The following IGSF5 variants were observed in gnomAD, a reference collection of about 807,000 sequenced individuals.
IGSF5 encodes immunoglobulin superfamily member 5, also known as immunoglobulin superfamily 5 like.
A neutral mutation model predicts 39.4 loss-of-function variants in IGSF5; 41 were observed. The ratio of observed to expected loss-of-function variants is 1.04; its 90% CI spans 0.81 to 1.35. The LOEUF (loss-of-function observed/expected upper bound fraction) is 1.35. Ranked by LOEUF, IGSF5 falls within the 40% of genes most tolerant of loss-of-function variation. The probability of loss-of-function intolerance (pLI) is 0.00; values close to 1 mark genes in which losing one functional copy is unlikely to be tolerated. For missense variants in IGSF5, 487 were observed against 494.6 expected, an observed-to-expected ratio of 0.98 and a Z score of 0.15; for synonymous variants, 183 against 175.3, an observed-to-expected ratio of 1.04 and a Z score of -0.34.
At chr21:39,758,067 A>T (rs544168435) in intron 2 of IGSF5, among the ~76,000 whole-genome samples, 3 of 152,124 alleles carry the variant, frequency 2.0e-5, no homozygotes. Context: ...GCCAGGAAGA[A>T]CATATGGAGG....
upstream of IGSF5, among the ~76,000 whole-genome samples, chr21:39,742,915 T>A (rs946930219): frequency 3.9e-5 from 6 of 152,328 alleles, no homozygotes; most frequent in East Asian, 1.2e-3. Context: ...TTTTTCCTAA[T>A]GTCTGCAGCT....
intron 8 of IGSF5, among the ~76,000 whole-genome samples, chr21:39,796,730 C>T (rs544547898): frequency 6.6e-6 from 1 of 152,324 alleles, no homozygotes; most frequent in South Asian, 2.1e-4. Context: ...TTTGCAGAAA[C>T]CCCGCATGAA....
At chr21:39,769,409 G>A (rs1045216759) in intron 3 of IGSF5, among the ~76,000 whole-genome samples, 12 of 146,404 alleles carry the variant, frequency 8.2e-5, no homozygotes, top group Admixed American at 7.9e-4. Context: ...GGAGGTTGCC[G>A]TGAGCCAACA....
chr21:39,789,106 C>G (rs940304336), intron 6 of IGSF5, among the ~76,000 whole-genome samples: 2 of 152,048 alleles, frequency 1.3e-5, no homozygotes, highest in Non-Finnish European at 2.9e-5. Flanking sequence ...AAAAATAGAC[C>G]CTGATAATTA....
At chr21:39,742,326 C>T (rs1281798660), upstream of IGSF5, among the ~76,000 whole-genome samples, 3 of 152,212 alleles carry the variant, frequency 2.0e-5, no homozygotes, top group Non-Finnish European at 2.9e-5. Context: ...GAAGAAGTAT[C>T]TAGTGACTGG....
At chr21:39,735,063 T>A in the IGSF5 span, among the ~76,000 whole-genome samples, 88 of 152,068 alleles carry the variant, frequency 5.8e-4, no homozygotes, top group African/African-American at 2.0e-3. Context: ...GGGGTTTCAG[T>A]ATGTTGGCCA....
intron 8 of IGSF5, among the ~76,000 whole-genome samples, chr21:39,794,320 T>G (rs1210341107): frequency 1.3e-5 from 2 of 152,196 alleles, no homozygotes; most frequent in African/African-American, 2.4e-5. Context: ...CTCTGTTAGA[T>G]GTCCACATGG....
rs2080113181 is a variant in IGSF5, at chr21:39,771,228, A to G, written c.718+13A>G. ...CGGTGTCCCCAAGGTAAGTGAAGAC[A>G]TTCTGCTTTATATGAAATGAATGAT... On this transcript the variant is annotated intron_variant, in intron 4 of 8. Coordinates refer to ENST00000380588, the MANE Select transcript of IGSF5 (RefSeq NM_001080444.2). 1.0e-5 allele frequency: 16 copies of G among 1,528,850 alleles called. No homozygotes were observed. Among genetic ancestry groups the G allele is most frequent in the Non-Finnish European group, 1.4e-5 (16 of 1,135,132 alleles). The allele number at this position is 1,528,850 out of a possible 1,614,324, so 94.7% of individuals were successfully genotyped here. A position where few individuals can be genotyped will look rare whatever the true frequency, so the allele number is the denominator to read the frequency against.
chr21:39,746,429 C>T, intron 2 of IGSF5, 131 bp downstream of exon 2: 2 of 560,736 alleles, frequency 3.6e-6, no homozygotes, highest in Non-Finnish European at 6.3e-6. Context: ...GGGTTGCTCC[C>T]ATCCCTCTTT....
chr21:39,716,284 G>A, the IGSF5 span, among the ~76,000 whole-genome samples: 1 of 152,040 alleles, frequency 6.6e-6, no homozygotes, highest in African/African-American at 2.4e-5. Context: ...TTGTTTGTGT[G>A]ATTTATTTTA....
At chr21:39,766,965 TA>T (rs1448510703) in intron 3 of IGSF5, among the ~76,000 whole-genome samples, 6 of 152,214 alleles carry the variant, frequency 3.9e-5, no homozygotes, top group African/African-American at 1.4e-4. Flanking sequence ...ATTTGTGTTT[TA>T]AAAAATGTTT....
chr21:39,744,360 C>T (rs925179747), upstream of IGSF5, among the ~76,000 whole-genome samples: 5 of 145,220 alleles, frequency 3.4e-5, no homozygotes, highest in African/African-American at 1.3e-4. Flanking sequence ...GAGGGTGTAG[C>T]GAACCTTTTG....
At position 39,765,577 on chromosome 21, in the gene IGSF5, C is replaced by G. The variant is rs1262618586; in HGVS notation, c.143C>G (p.Ala48Gly). ...GAAGTCATAGAAGGCCCCCAAAATG[C>G]AAGAGTCCTGAAGGGCTCCCAGGCT... The part of the protein sequence containing the change: ...GNEVIEGPQN[A>G]RVLKGSQARF... Residue 48 changes from alanine to glycine, a missense_variant, in exon 3 of 9, where the codon GCA (alanine) becomes GGA (glycine). Ala to Gly is a moderately conservative substitution (Grantham distance 60). Coordinates refer to ENST00000380588, the MANE Select transcript of IGSF5 (RefSeq NM_001080444.2). The G allele has an allele frequency of 6.2e-7, 1 of 1,614,084 alleles. No individual in the cohort carries two copies. The highest frequency in any genetic ancestry group is 8.5e-7 in the Non-Finnish European group (1 of 1,179,982).
chr21:39,788,226 C>G, intron 6 of IGSF5, 38 bp downstream of exon 6: 1 of 1,465,584 alleles, frequency 6.8e-7, no homozygotes, highest in South Asian at 1.2e-5. Context: ...GAAAACAAAA[C>G]AAAAAAAATT....
intron 2 of IGSF5, among the ~76,000 whole-genome samples, chr21:39,756,098 CAAACAAACA>C (rs1399189002): frequency 2.0e-5 from 1 of 49,432 alleles, no homozygotes; most frequent in Non-Finnish European, 4.7e-5. Context: ...CTCAAACAAA[CAAACAAACA>C]AACAAACAAA....
intron 4 of IGSF5, among the ~76,000 whole-genome samples, chr21:39,777,891 C>T (rs942472103): frequency 2.0e-5 from 3 of 152,136 alleles, no homozygotes; most frequent in Non-Finnish European, 4.4e-5. Context: ...TTTTGAACTC[C>T]AGTCTGTGGT....
chr21:39,748,301 C>CTTTTTTTTTTTTTTTTTTT lies in IGSF5; in HGVS notation c.100+2012_100+2030dup, dbSNP rs60669244. Among the ~76,000 whole-genome samples, 15 of 58,216 alleles carry CTTTTTTTTTTTTTTTTTTT rather than the reference C, an allele frequency of 2.6e-4. 5 individuals carry two copies. The highest frequency in any genetic ancestry group is 3.9e-4 in the Non-Finnish European group (13 of 33,002). The allele number at this position is 58,216 out of a possible 152,430, so 38.2% of individuals were successfully genotyped here. ...TGTGCAAGTGAAGAGAAAACAAGAT[C>CTTTTTTTTTTTTTTTTTTT]TTTTTTTTTTTTTTTTTTTTTTTTT... On this transcript the variant is annotated intron_variant, in intron 2 of 8. Transcript: ENST00000380588.
chr21:39,717,800 C>A, the IGSF5 span, among the ~76,000 whole-genome samples: 2 of 152,072 alleles, frequency 1.3e-5, no homozygotes, highest in Admixed American at 6.6e-5. Flanking sequence ...GTTCTTTTTG[C>A]TTAGATTGCC....
chr21:39,744,011 A>C (rs2079959721), upstream of IGSF5, among the ~76,000 whole-genome samples: 2 of 152,140 alleles, frequency 1.3e-5, no homozygotes. Context: ...CAGCATCCCT[A>C]GTCATTTTCT....
Sources: gnomAD v4.1 joint callset for allele counts (sites outside exome capture counted in the v4.1 genomes callset) on GRCh38, gnomAD v4.1.1 for gene constraint, MANE v1.5 for transcripts, NCBI Gene and HGNC (gene_info 2026-07-23, HGNC 2026-07-21) for gene names.